Variants in ZRANB3 observed in about 807,000 individuals in gnomAD.
ZRANB3 encodes the protein zinc finger RANBP2-type containing 3, also known as DNA annealing helicase and endonuclease ZRANB3.
ZRANB3 carries 125 observed loss-of-function variants against 133.8 expected under a neutral mutation model. The observed-to-expected ratio is 0.93, with a 90% CI of 0.81 to 1.08. ZRANB3 has a LOEUF of 1.08. ZRANB3 is among the 50% of genes least tolerant of loss of function. ZRANB3 has a pLI of 0.00. For missense variants in ZRANB3, 1,229 were observed against 1,275.5 expected, an observed-to-expected ratio of 0.96 and a Z score of 0.56; for synonymous variants, 387 against 432.7, an observed-to-expected ratio of 0.89 and a Z score of 1.31.
chr2:135,233,098 A>C (rs943938220), intron 12 of ZRANB3, among the ~76,000 whole-genome samples: 4 of 152,248 alleles, frequency 2.6e-5, no homozygotes, highest in African/African-American at 7.2e-5. Context: ...AAGTCCTTAA[A>C]GGACCTGATG....
chr2:135,346,258 G>A (rs1437394991), intron 5 of ZRANB3, among the ~76,000 whole-genome samples: 8 of 151,928 alleles, frequency 5.3e-5, no homozygotes, highest in Non-Finnish European at 1.0e-4. Context: ...CACCATGCCC[G>A]GCTAATTTTG....
Position 135,199,248 on chromosome 2 carries a change from G to A in ZRANB3, c.*1094C>T, listed in dbSNP as rs1220139739. On this transcript the variant is annotated 3_prime_UTR_variant, in exon 21 of 21. Coordinates refer to ENST00000264159, the MANE Select transcript of ZRANB3 (RefSeq NM_032143.4). ...ACACAGGGTTTTAAAAACAGAAAAT[G>A]AGAACCAGAAGACAAAGTGTATTTT... 6.6e-6 allele frequency: 1 copy of A among 151,968 alleles called. No homozygotes were observed. 9.4% of individuals were successfully genotyped at this position (151,968 alleles called of 1,614,324 possible).
At chr2:135,234,151 C>T (rs533215503) in intron 12 of ZRANB3, among the ~76,000 whole-genome samples, 127 of 152,124 alleles carry the variant, frequency 8.3e-4, no homozygotes, top group Non-Finnish European at 1.5e-3. Context: ...ATCCTAGTCT[C>T]GGATAAAACA....
intron 2 of ZRANB3, among the ~76,000 whole-genome samples, chr2:135,415,724 C>A (rs1037303986): frequency 3.3e-5 from 5 of 152,178 alleles, no homozygotes; most frequent in African/African-American, 9.7e-5. Context: ...TACTGGCAAA[C>A]CGAATCCAGC....
chr2:135,527,119 G>A (rs1486987495), intron 1 of ZRANB3, among the ~76,000 whole-genome samples: 1 of 152,136 alleles, frequency 6.6e-6, no homozygotes, highest in African/African-American at 2.4e-5. Flanking sequence ...AGGACCTCCC[G>A]AGGGCTGTGT....
At chr2:135,412,375 C>T (rs1218082779) in intron 2 of ZRANB3, among the ~76,000 whole-genome samples, 1 of 152,050 alleles carries the variant, frequency 6.6e-6, no homozygotes, top group Non-Finnish European at 1.5e-5. Context: ...TCAAGTATAT[C>T]CACATTTTTA....
At chr2:135,375,060 G>C (rs1399420792) in intron 3 of ZRANB3, among the ~76,000 whole-genome samples, 1 of 152,146 alleles carries the variant, frequency 6.6e-6, no homozygotes, top group Non-Finnish European at 1.5e-5. Flanking sequence ...GGCTAGTGAG[G>C]ATGCAGAGCA....
At chr2:135,320,178 C>G (rs1018420308) in intron 6 of ZRANB3, among the ~76,000 whole-genome samples, 1 of 152,124 alleles carries the variant, frequency 6.6e-6, no homozygotes, top group Non-Finnish European at 1.5e-5. Flanking sequence ...GTAGCTGGGA[C>G]TACAGGCACA....
intron 8 of ZRANB3, among the ~76,000 whole-genome samples, chr2:135,311,580 A>T (rs1053076423): frequency 6.8e-6 from 1 of 146,378 alleles, no homozygotes; most frequent in African/African-American, 2.6e-5. Flanking sequence ...AGGTGAAAGA[A>T]TAAAAAAAAA....
intron 2 of ZRANB3, among the ~76,000 whole-genome samples, chr2:135,441,117 C>A (rs568363800): frequency 8.0e-4 from 122 of 152,154 alleles, no homozygotes; most frequent in African/African-American, 2.6e-3. Flanking sequence ...TACTCTCAGA[C>A]CCAAGAAGCT....
chr2:135,280,273 T>G (rs1264232470), intron 8 of ZRANB3, among the ~76,000 whole-genome samples: 3 of 152,176 alleles, frequency 2.0e-5, no homozygotes, highest in Admixed American at 2.0e-4. Context: ...TATATCTTAT[T>G]TAAAAAAATG....
At chr2:135,392,716 C>G (rs1687297902) in intron 2 of ZRANB3, among the ~76,000 whole-genome samples, 1 of 152,102 alleles carries the variant, frequency 6.6e-6, no homozygotes, top group Admixed American at 6.6e-5. Flanking sequence ...CCACTGCACT[C>G]CAGCTTGGGC....
At chr2:135,337,711 CTG>C (rs964366668) in intron 6 of ZRANB3, among the ~76,000 whole-genome samples, 25 of 152,298 alleles carry the variant, frequency 1.6e-4, no homozygotes, top group African/African-American at 5.1e-4. Context: ...CAACTAAGAA[CTG>C]TGTCACAGAA....
At chr2:135,524,059 T>C (rs1338888156) in intron 1 of ZRANB3, among the ~76,000 whole-genome samples, 1 of 152,238 alleles carries the variant, frequency 6.6e-6, no homozygotes, top group Non-Finnish European at 1.5e-5. Flanking sequence ...AGATGGGCTT[T>C]TAAATTGTAA....
At chr2:135,529,221 CAA>C (rs1694288999) in intron 1 of ZRANB3, among the ~76,000 whole-genome samples, 1 of 152,084 alleles carries the variant, frequency 6.6e-6, no homozygotes, top group Admixed American at 6.5e-5. Context: ...AATAATAAAG[CAA>C]AGAGTTTAAG....
At chr2:135,209,651 T>C (rs1042813106) in intron 17 of ZRANB3, among the ~76,000 whole-genome samples, 1 of 152,100 alleles carries the variant, frequency 6.6e-6, no homozygotes, top group Non-Finnish European at 1.5e-5. Flanking sequence ...CCATTAAAGG[T>C]GATGGGGGAA....
At chr2:135,524,441 G>A (rs762338297) in intron 1 of ZRANB3, among the ~76,000 whole-genome samples, 4 of 152,120 alleles carry the variant, frequency 2.6e-5, no homozygotes, top group Middle Eastern at 3.4e-3. Flanking sequence ...ATTGATTCTC[G>A]ATGACACCCA....
intron 12 of ZRANB3, among the ~76,000 whole-genome samples, chr2:135,264,547 C>T (rs544293667): frequency 8.0e-5 from 12 of 149,788 alleles, no homozygotes; most frequent in South Asian, 4.2e-4. Flanking sequence ...CATTAATGAA[C>T]GCTAAAAACA....
Position 135,259,888 on chromosome 2 carries a change from G to C in ZRANB3, c.1539+5646C>G, listed in dbSNP as rs111539193. 3.0e-3 allele frequency among the ~76,000 whole-genome samples: 450 copies of C among 152,088 alleles called. 3 individuals are homozygous for C. Among genetic ancestry groups the C allele is most frequent in the African/African-American group, 0.01 (420 of 41,488 alleles). Reference sequence around the variant, plus strand: ...GGCTTAGACGCCATCTAGTAATCTAGTGACTCAAATGGCTAGATAAATAAT... The same window carrying C: ...GGCTTAGACGCCATCTAGTAATCTACTGACTCAAATGGCTAGATAAATAAT... On this transcript the variant is annotated intron_variant, in intron 12 of 20. Coordinates refer to ENST00000264159, the MANE Select transcript of ZRANB3 (RefSeq NM_032143.4).
Sources: gnomAD v4.1 joint callset for allele counts (sites outside exome capture counted in the v4.1 genomes callset) on GRCh38, gnomAD v4.1.1 for gene constraint, MANE v1.5 for transcripts, NCBI Gene and HGNC (gene_info 2026-07-23, HGNC 2026-07-21) for gene names.